Variants in CD96 observed in about 807,000 individuals in gnomAD.
CD96 encodes the protein T-cell surface protein tactile.
In CD96, 70 loss-of-function variants were observed where a neutral mutation model predicts 71.3. The ratio of observed to expected loss-of-function variants is 0.98; its 90% CI spans 0.81 to 1.20. The LOEUF (loss-of-function observed/expected upper bound fraction) is 1.20, where lower values mean the gene tolerates loss of function less well. CD96 is among the 50% of genes most tolerant of loss of function. The pLI is 0.00. For missense variants in CD96, 742 were observed against 677.5 expected (o/e 1.10, Z -1.06); for synonymous variants, 248 against 233.0 (o/e 1.06, Z -0.59).
At chr3:111,614,398 T>C (rs1938118928) in intron 8 of CD96, among the ~76,000 whole-genome samples, 1 of 152,116 alleles carries the variant, frequency 6.6e-6, no homozygotes. Context: ...TAATCTGACT[T>C]AGGTGTCCTC....
chr3:111,588,125 A>G (rs1269682646), intron 5 of CD96, among the ~76,000 whole-genome samples: 1 of 152,164 alleles, frequency 6.6e-6, no homozygotes, highest in Non-Finnish European at 1.5e-5. Context: ...TCAGGCTACA[A>G]ATTTTCCAAA....
intron 3 of CD96, among the ~76,000 whole-genome samples, chr3:111,572,028 C>T (rs1209243120): frequency 6.6e-6 from 1 of 152,164 alleles, no homozygotes; most frequent in Non-Finnish European, 1.5e-5. Flanking sequence ...TGCAGAAACC[C>T]ATGATTAGTG....
At chr3:111,607,254 G>A (rs547327826) in intron 8 of CD96, among the ~76,000 whole-genome samples, 4 of 152,256 alleles carry the variant, frequency 2.6e-5, no homozygotes, top group Non-Finnish European at 5.9e-5. Flanking sequence ...TCTCAGTGGG[G>A]AGTTTAAGAG....
At chr3:111,585,780 T>C (rs529491080) in intron 5 of CD96, among the ~76,000 whole-genome samples, 17 of 152,300 alleles carry the variant, frequency 1.1e-4, no homozygotes, top group African/African-American at 3.8e-4. Flanking sequence ...CACTTTCCCA[T>C]TGTTTTTATT....
At chr3:111,635,536 A>G (rs1483077726) in intron 10 of CD96, among the ~76,000 whole-genome samples, 1 of 152,218 alleles carries the variant, frequency 6.6e-6, no homozygotes, top group Admixed American at 6.5e-5. Flanking sequence ...TGCTGATGGT[A>G]TCACCATCTC....
At chr3:111,547,542 C>T (rs1184616543) in intron 2 of CD96, among the ~76,000 whole-genome samples, 2 of 152,086 alleles carry the variant, frequency 1.3e-5, no homozygotes, top group East Asian at 3.8e-4. Context: ...ATAAGTGATG[C>T]CACAAAATGA....
chr3:111,542,513 T>C (rs1934153969), intron 1 of CD96, among the ~76,000 whole-genome samples: 1 of 152,156 alleles, frequency 6.6e-6, no homozygotes, highest in Non-Finnish European at 1.5e-5. Flanking sequence ...ACACTAAAAA[T>C]AAGAAGGGAA....
At chr3:111,646,494 G>A (rs532628868) in intron 12 of CD96, among the ~76,000 whole-genome samples, 2 of 150,442 alleles carry the variant, frequency 1.3e-5, no homozygotes, top group Middle Eastern at 3.4e-3. Context: ...TTAAAACCAC[G>A]ATAAGATACC....
intron 3 of CD96, chr3:111,571,195 G>C (rs1347808788): frequency 2.1e-6 from 1 of 468,408 alleles, no homozygotes; most frequent in African/African-American, 2.4e-5. Context: ...GAGTTTTTTT[G>C]TTTTGTTTTG....
intron 8 of CD96, among the ~76,000 whole-genome samples, chr3:111,610,921 C>T (rs1937889353): frequency 6.6e-6 from 1 of 152,154 alleles, no homozygotes; most frequent in Admixed American, 6.5e-5. Flanking sequence ...TCATGAAACT[C>T]ATAAGTATGG....
chr3:111,589,768 A>T (rs1013434390), intron 5 of CD96, among the ~76,000 whole-genome samples: 3 of 152,152 alleles, frequency 2.0e-5, no homozygotes, highest in African/African-American at 7.2e-5. Flanking sequence ...ATGCATATTT[A>T]GTGTGCCTGT....
rs117039743 is a variant in CD96, at chr3:111,637,431, A to G, written c.1387+170A>G. ...AAACAAAATTCTTCTCAGCCATTCAAAGAAGATAGAGACCAAGCCTTAGAT... is the reference window on the plus strand; with the variant it reads ...AAACAAAATTCTTCTCAGCCATTCAGAGAAGATAGAGACCAAGCCTTAGAT... On this transcript the variant is annotated intron_variant, in intron 11 of 13. Coordinates refer to ENST00000352690, the MANE Select transcript of CD96 (RefSeq NM_005816.5). 1.5e-3 allele frequency among the ~76,000 whole-genome samples: 221 copies of G among 152,360 alleles called. 4 individuals are homozygous for G. In the East Asian group the frequency reaches 0.038, roughly 26 times the overall value.
chr3:111,649,226 G>T (rs1939968374), intron 13 of CD96, among the ~76,000 whole-genome samples: 1 of 152,164 alleles, frequency 6.6e-6, no homozygotes, highest in Non-Finnish European at 1.5e-5. Flanking sequence ...CTATTAGGAG[G>T]CAGTTGTCAT....
intron 2 of CD96, among the ~76,000 whole-genome samples, chr3:111,561,580 C>A (rs1477870410): frequency 6.8e-6 from 1 of 146,382 alleles, no homozygotes; most frequent in African/African-American, 2.5e-5. Context: ...AGATCTCCAG[C>A]TGCGTGCTGG....
At chr3:111,654,450 G>A (rs1157301344), downstream of CD96, among the ~76,000 whole-genome samples, 1 of 152,130 alleles carries the variant, frequency 6.6e-6, no homozygotes, top group Non-Finnish European at 1.5e-5. Context: ...ATCTGTGATG[G>A]GTCTTGATAT....
intron 14 of CD96, among the ~76,000 whole-genome samples, chr3:111,662,947 T>A (rs559552336): frequency 1.6e-4 from 25 of 152,350 alleles, no homozygotes; most frequent in Non-Finnish European, 2.4e-4. Flanking sequence ...ACCAATTTTC[T>A]GTATTAGTCC....
intron 8 of CD96, among the ~76,000 whole-genome samples, chr3:111,616,355 A>G (rs755435788): frequency 6.6e-6 from 1 of 152,202 alleles, no homozygotes; most frequent in Non-Finnish European, 1.5e-5. Flanking sequence ...AATGCAGAGG[A>G]TATCTCCCTA....
intron 8 of CD96, among the ~76,000 whole-genome samples, chr3:111,621,886 G>C (rs1938535271): frequency 6.6e-6 from 1 of 152,180 alleles, no homozygotes; most frequent in Non-Finnish European, 1.5e-5. Flanking sequence ...CCAATACTCA[G>C]TTCAAAGCAA....
intron 8 of CD96, among the ~76,000 whole-genome samples, chr3:111,610,925 A>T (rs764454726): frequency 3.6e-4 from 55 of 152,188 alleles, no homozygotes; most frequent in Non-Finnish European, 7.2e-4. Context: ...GAAACTCATA[A>T]GTATGGAGCG....
Sources: gnomAD v4.1 joint callset for allele counts (sites outside exome capture counted in the v4.1 genomes callset) on GRCh38, gnomAD v4.1.1 for gene constraint, MANE v1.5 for transcripts, NCBI Gene and HGNC (gene_info 2026-07-23, HGNC 2026-07-21) for gene names.